Variants in TRIM9 observed in about 807,000 individuals in gnomAD.
TRIM9 encodes the protein E3 ubiquitin-protein ligase TRIM9.
A neutral mutation model predicts 78.3 loss-of-function variants in TRIM9; 26 were observed. The ratio of observed to expected loss-of-function variants is 0.33; its 90% CI spans 0.24 to 0.46. TRIM9 has a LOEUF of 0.46. Ranked by LOEUF, TRIM9 falls within the 20% of genes least tolerant of loss-of-function variation. TRIM9 has a pLI of 1.00. For missense variants in TRIM9, 787 were observed against 1,036.4 expected, an observed-to-expected ratio of 0.76 and a Z score of 3.30; for synonymous variants, 398 against 416.5, an observed-to-expected ratio of 0.96 and a Z score of 0.54.
intron 5 of TRIM9, among the ~76,000 whole-genome samples, chr14:51,003,073 C>T (rs1381235692): frequency 6.6e-6 from 1 of 152,206 alleles, no homozygotes; most frequent in Non-Finnish European, 1.5e-5. Flanking sequence ...ACACAGAAGA[C>T]ATAATGCCTT....
At chr14:51,093,963 C>T (rs2064693511) in intron 1 of TRIM9, among the ~76,000 whole-genome samples, 155 bp downstream of exon 1, 1 of 152,262 alleles carries the variant, frequency 6.6e-6, no homozygotes, top group Non-Finnish European at 1.5e-5. Flanking sequence ...TCCCCCATGC[C>T]TCCTGCAATG....
rs1013720518 is a variant in TRIM9 at position 50,976,152 on chromosome 14, C to A, written c.*1139G>T. The stretch of plus-strand genomic sequence containing the variant: ...ACTGTCAATTTTTAAGGCGTGGTAT[C>A]ATAGCAGCATCAGCAAATAAGAATG... On this transcript the variant is annotated 3_prime_UTR_variant, in exon 13 of 13. Transcript: ENST00000684578. 5 of 152,290 alleles carry A rather than the reference C, an allele frequency of 3.3e-5. No homozygotes were observed. Among genetic ancestry groups the A allele is most frequent in the South Asian group, 2.1e-4 (1 of 4,812 alleles). The allele number at this position is 152,290 out of a possible 1,614,324, so 9.4% of individuals were successfully genotyped here. A position where few individuals can be genotyped will look rare whatever the true frequency, so the allele number is the denominator to read the frequency against.
intron 1 of TRIM9, among the ~76,000 whole-genome samples, chr14:51,065,434 T>C (rs1488969054): frequency 2.0e-5 from 3 of 152,180 alleles, no homozygotes; most frequent in Non-Finnish European, 4.4e-5. Flanking sequence ...GGAAGTGCAC[T>C]GTATGGGGCA....
chr14:51,094,586 G>A lies in TRIM9; in HGVS notation c.354C>T (p.Ala118=), dbSNP rs1218809781. The A allele has an allele frequency of 6.2e-7, 1 of 1,611,282 alleles. No individual in the cohort carries two copies. Residue 118 remains alanine (A), a synonymous_variant, in exon 1 of 13, where the codon GCC becomes GCT. Transcript: ENST00000684578. The part of the protein sequence containing the change: ...PPATHLSPAL[A]PVPRNSCITC... ...TGATACAGGAGTTGCGGGGCACCGGGGCCAGGGCCGGTGACAAGTGGGTGG... is the reference window on the plus strand; with the variant it reads ...TGATACAGGAGTTGCGGGGCACCGGAGCCAGGGCCGGTGACAAGTGGGTGG...
At chr14:51,014,391 T>C (rs2056917355) in intron 3 of TRIM9, among the ~76,000 whole-genome samples, 1 of 152,206 alleles carries the variant, frequency 6.6e-6, no homozygotes, top group African/African-American at 2.4e-5. Flanking sequence ...CTCAATATTC[T>C]TGAGTTCCTG....
chr14:50,981,145 T>A (rs1212983572), intron 11 of TRIM9, among the ~76,000 whole-genome samples: 2 of 152,186 alleles, frequency 1.3e-5, no homozygotes, highest in Non-Finnish European at 2.9e-5. Flanking sequence ...ATAGTATGTG[T>A]TCAATTATAA....
chr14:51,036,720 G>A (rs1449848650), intron 1 of TRIM9, among the ~76,000 whole-genome samples: 1 of 151,978 alleles, frequency 6.6e-6, no homozygotes, highest in Admixed American at 6.6e-5. Flanking sequence ...ATCTATTTAC[G>A]CAGAACCCAT....
At chr14:51,044,537 C>G (rs2059801204) in intron 1 of TRIM9, among the ~76,000 whole-genome samples, 1 of 152,080 alleles carries the variant, frequency 6.6e-6, no homozygotes, top group South Asian at 2.1e-4. Context: ...TCTTTCTGCC[C>G]TCTGAGTCAT....
chr14:51,011,467 A>C (rs906431687), intron 3 of TRIM9, among the ~76,000 whole-genome samples: 1 of 152,188 alleles, frequency 6.6e-6, no homozygotes, highest in African/African-American at 2.4e-5. Flanking sequence ...CTGGGACTAC[A>C]CTGCAGCTAT....
At chr14:51,088,768 T>A (rs2064020313) in intron 1 of TRIM9, among the ~76,000 whole-genome samples, 1 of 152,116 alleles carries the variant, frequency 6.6e-6, no homozygotes, top group African/African-American at 2.4e-5. Context: ...TAACATTGAA[T>A]ATGATATGAT....
At chr14:51,034,043 A>G (rs1268544644) in intron 1 of TRIM9, among the ~76,000 whole-genome samples, 3 of 152,150 alleles carry the variant, frequency 2.0e-5, no homozygotes, top group African/African-American at 7.2e-5. Flanking sequence ...ATCTATTAAA[A>G]CTGGTAATCC....
intron 8 of TRIM9, among the ~76,000 whole-genome samples, chr14:50,984,435 T>C (rs2052426987): frequency 6.6e-6 from 1 of 152,260 alleles, no homozygotes; most frequent in African/African-American, 2.4e-5. Flanking sequence ...TGCTTTTCTC[T>C]GGGATGAATT....
chr14:51,047,849 T>G (rs1596262152), intron 1 of TRIM9, among the ~76,000 whole-genome samples: 1 of 152,142 alleles, frequency 6.6e-6, no homozygotes, highest in African/African-American at 2.4e-5. Flanking sequence ...GAACAATCCA[T>G]TTTTAGTATA....
At chr14:51,058,536 T>C (rs542255541) in intron 1 of TRIM9, among the ~76,000 whole-genome samples, 2 of 152,230 alleles carry the variant, frequency 1.3e-5, no homozygotes, top group Admixed American at 6.5e-5. Context: ...GAGTGGGACA[T>C]GCATCCTCCA....
At chr14:50,994,336 G>A (rs1289298511) in intron 7 of TRIM9, among the ~76,000 whole-genome samples, 1 of 152,230 alleles carries the variant, frequency 6.6e-6, no homozygotes, top group Non-Finnish European at 1.5e-5. Flanking sequence ...GAGCCCAGGT[G>A]TAGGAGGCTG....
chr14:51,034,623 T>G (rs1444068449), intron 1 of TRIM9, among the ~76,000 whole-genome samples: 2 of 152,312 alleles, frequency 1.3e-5, no homozygotes, highest in South Asian at 2.1e-4. Flanking sequence ...TAATCAAGAA[T>G]GTGTTCAAAC....
chr14:51,022,740 C>T, intron 3 of TRIM9, 95 bp downstream of exon 3: 1 of 1,556,286 alleles, frequency 6.4e-7, no homozygotes, highest in South Asian at 1.2e-5. Context: ...ATCCTCTCCT[C>T]CTGTCCATGG....
intron 6 of TRIM9, among the ~76,000 whole-genome samples, chr14:50,999,849 A>C (rs1195344052): frequency 6.6e-6 from 1 of 152,172 alleles, no homozygotes; most frequent in East Asian, 1.9e-4. Context: ...ATGAGAATGA[A>C]GCTCTGTATG....
intron 5 of TRIM9, among the ~76,000 whole-genome samples, chr14:51,005,214 CA>C (rs1210405355): frequency 2.0e-5 from 3 of 152,202 alleles, no homozygotes; most frequent in Non-Finnish European, 4.4e-5. Context: ...AACCCTCTGG[CA>C]GCTTTCCCCC....
Sources: allele counts gnomAD v4.1 joint callset (sites outside exome capture counted in the v4.1 genomes callset), GRCh38; gene constraint gnomAD v4.1.1; transcripts MANE v1.5; gene names NCBI Gene and HGNC (gene_info 2026-07-23, HGNC 2026-07-21).